Variants in LOXHD1 observed in about 807,000 individuals in gnomAD.
LOXHD1 encodes the protein lipoxygenase homology domain-containing protein 1.
A neutral mutation model predicts 248.2 loss-of-function variants in LOXHD1; 205 were observed. The observed-to-expected ratio is 0.83, with a 90% confidence interval of 0.74 to 0.93. The LOEUF is 0.93. LOXHD1 is among the 40% of genes least tolerant of loss of function. The pLI is 0.00. For synonymous variants in LOXHD1, 1,113 were observed against 1,162.8 expected (o/e 0.96, Z 0.87); for missense variants, 2,930 against 2,971.6 (o/e 0.99, Z 0.33).
intron 26 of LOXHD1, among the ~76,000 whole-genome samples, chr18:46,537,380 G>T (rs2036357770): frequency 6.6e-6 from 1 of 152,166 alleles, no homozygotes; most frequent in Admixed American, 6.5e-5. Flanking sequence ...AATTAAGTGG[G>T]TTAGCCTATG....
At chr18:46,509,616 C>G in intron 35 of LOXHD1, 82 bp downstream of exon 35, 1 of 1,002,822 alleles carries the variant, frequency 1.0e-6, no homozygotes. Flanking sequence ...TGTGCTTTAA[C>G]AAGGTCCATT....
intron 33 of LOXHD1, chr18:46,518,895 C>T: frequency 1.1e-5 from 11 of 985,658 alleles, no homozygotes; most frequent in Non-Finnish European, 1.3e-5. Context: ...AGCACTGCCT[C>T]AATCCACTGG....
chr18:46,578,284 C>T (rs2037898258), intron 13 of LOXHD1, among the ~76,000 whole-genome samples: 2 of 152,104 alleles, frequency 1.3e-5, no homozygotes, highest in African/African-American at 4.8e-5. Flanking sequence ...TTTTGCTCAC[C>T]ACTGAGGCAG....
In LOXHD1 at chr18:46,541,716, T is replaced by C. The variant is rs964683849; in HGVS notation, c.3913+60A>G. ...TCCTGAAGGAAGAACTGGGGCTGAG[T>C]TGGGGTAGCTGGTGATGGGGCCCCA... On this transcript the variant is annotated intron_variant, in intron 25 of 40. Transcript: ENST00000642948. 12 of 1,525,336 alleles carry C rather than the reference T, an allele frequency of 7.9e-6. No homozygotes were observed. The African/African-American group carries it at 1.5e-4, about 19-fold the overall frequency. The allele number at this position is 1,525,336 out of a possible 1,614,324, so 94.5% of individuals were successfully genotyped here. A position where few individuals can be genotyped will look rare whatever the true frequency, so the allele number is the denominator to read the frequency against.
At chr18:46,555,222 G>C (rs961737550) in intron 21 of LOXHD1, 2 of 469,518 alleles carry the variant, frequency 4.3e-6, no homozygotes, top group African/African-American at 2.0e-5. Context: ...AAATGCCTTG[G>C]ATTTTCAGAA....
intron 21 of LOXHD1, 109 bp downstream of exon 21, chr18:46,557,247 T>G: frequency 8.4e-6 from 5 of 596,450 alleles, no homozygotes; most frequent in Non-Finnish European, 1.4e-5. Flanking sequence ...ACCCTCACCC[T>G]CCACCGTCAC....
In LOXHD1 at chr18:46,521,300, TG is replaced by T; in HGVS notation, c.5086-19del. The T allele has an allele frequency of 6.4e-7, 1 of 1,551,502 alleles. No individual in the cohort carries two copies. The highest frequency in any genetic ancestry group is 8.7e-7 in the Non-Finnish European group (1 of 1,146,942). On this transcript the variant is annotated intron_variant, in intron 32 of 40. Coordinates refer to ENST00000642948, the MANE Select transcript of LOXHD1 (RefSeq NM_001384474.1). ...TGGCCCAGCTAGGAGGAGACACACC[TG>T]ATCTGTGACGATCTGGGCACAACTG...
intron 39 of LOXHD1, 54 bp from the exon 40 acceptor site, chr18:46,483,799 A>G: frequency 6.5e-7 from 1 of 1,527,794 alleles, no homozygotes; most frequent in East Asian, 2.5e-5. Flanking sequence ...TGAAGCAGGT[A>G]AGCATTTGTC....
rs947727050 is a variant in LOXHD1, at chr18:46,602,202, T to A, written c.884-735A>T. On this transcript the variant is annotated intron_variant, in intron 7 of 40. Coordinates refer to ENST00000642948, the MANE Select transcript of LOXHD1 (RefSeq NM_001384474.1). ...ACTGGCCTGGCCTAGATTTTTTTAT[T>A]TTATTTATTTTTTATTTTTTTGAGA... Among the ~76,000 whole-genome samples, 62 of 152,058 alleles carry A rather than the reference T, an allele frequency of 4.1e-4. 3 individuals are homozygous for A.
chr18:46,601,471 G>T lies in LOXHD1; in HGVS notation c.884-4C>A, dbSNP rs1457228862. Reference sequence around the variant, plus strand: ...ACGGTGACAATATACGTAATAGCTGGTGTGGAAACAACAGGAAAGAGAGTG... The same window carrying T: ...ACGGTGACAATATACGTAATAGCTGTTGTGGAAACAACAGGAAAGAGAGTG... On this transcript the variant is annotated splice_region_variant and splice_polypyrimidine_tract_variant and intron_variant, in intron 7 of 40. Coordinates refer to ENST00000642948, the MANE Select transcript of LOXHD1 (RefSeq NM_001384474.1). 1.9e-5 allele frequency: 29 copies of T among 1,551,776 alleles called. 1 individual carries two copies. In the African/African-American group the frequency reaches 2.6e-4, roughly 14 times the overall value.
downstream of LOXHD1, chr18:46,477,162 C>T: frequency 1.4e-6 from 1 of 719,112 alleles, no homozygotes; most frequent in South Asian, 1.5e-5. Context: ...ACTTCTATCC[C>T]CTGGGTGAAG....
intron 17 of LOXHD1, among the ~76,000 whole-genome samples, chr18:46,565,932 T>C (rs1244154901): frequency 6.6e-6 from 1 of 152,202 alleles, no homozygotes; most frequent in Non-Finnish European, 1.5e-5. Flanking sequence ...CCTCAGCCAG[T>C]CTTCATCACA....
chr18:46,609,984 T>C (rs1235797981), intron 6 of LOXHD1, among the ~76,000 whole-genome samples: 2 of 152,364 alleles, frequency 1.3e-5, no homozygotes, highest in South Asian at 2.1e-4. Context: ...AACTTTGTCC[T>C]GGATAGGTGA....
At chr18:46,508,531 G>A (rs543955832) in intron 35 of LOXHD1, among the ~76,000 whole-genome samples, 2 of 152,174 alleles carry the variant, frequency 1.3e-5, no homozygotes, top group Non-Finnish European at 2.9e-5. Flanking sequence ...TGGCCCTGCC[G>A]ACACCTTCAC....
rs1162128385 is a variant in LOXHD1 at position 46,574,751 on chromosome 18, T to A, written c.1971-2589A>T. Among the ~76,000 whole-genome samples the A allele has an allele frequency of 2.0e-5, 3 of 152,254 alleles. No individual in the cohort carries two copies. The East Asian group carries it at 5.8e-4, about 29-fold the overall frequency. ...ACCACTGTGTCTTTAATGGGCTCCT[T>A]TCAAAGTACAATACCCTCAACCTCA... On this transcript the variant is annotated intron_variant, in intron 14 of 40. Coordinates refer to ENST00000642948, the MANE Select transcript of LOXHD1 (RefSeq NM_001384474.1).
intron 5 of LOXHD1, among the ~76,000 whole-genome samples, chr18:46,617,768 G>T (rs1305676983): frequency 6.6e-6 from 1 of 152,138 alleles, no homozygotes; most frequent in Non-Finnish European, 1.5e-5. Context: ...AAGTCAAATT[G>T]TATTCCCAGC....
At chr18:46,521,341 C>A (rs1009846055) in intron 32 of LOXHD1, 59 bp from the exon 33 acceptor site, 152 of 1,530,710 alleles carry the variant, frequency 9.9e-5, no homozygotes, top group Middle Eastern at 6.8e-4. Flanking sequence ...GGAAGTGCTC[C>A]CTGCCCAGCC....
At position 46,477,293 on chromosome 18, in the gene LOXHD1, T is replaced by C. The variant is rs2032080233; in HGVS notation, c.*179A>G. 1.2e-6 allele frequency: 1 copy of C among 847,066 alleles called. No individual in the cohort carries two copies. The highest frequency in any genetic ancestry group is 2.0e-5 in the Admixed American group (1 of 50,148). The allele number at this position is 847,066 out of a possible 1,614,324, so 52.5% of individuals were successfully genotyped here. On this transcript the variant is annotated 3_prime_UTR_variant, in exon 41 of 41. Coordinates refer to ENST00000642948, the MANE Select transcript of LOXHD1 (RefSeq NM_001384474.1). ...ACAGATTATGACACATGCTAATTAT[T>C]ATCACTGTAGGTTCAATAAACTGGG...
intron 1 of LOXHD1, among the ~76,000 whole-genome samples, chr18:46,656,558 C>A (rs1037968480): frequency 2.6e-5 from 4 of 152,210 alleles, no homozygotes; most frequent in Non-Finnish European, 5.9e-5. Context: ...GGCGCTCTGC[C>A]TGATGCAGAC....
Sources: allele counts gnomAD v4.1 joint callset (sites outside exome capture counted in the v4.1 genomes callset), GRCh38; gene constraint gnomAD v4.1.1; transcripts MANE v1.5; gene names NCBI Gene and HGNC (gene_info 2026-07-23, HGNC 2026-07-21).